DKK2: variants seen among roughly 807,000 people sequenced by gnomAD.
The protein encoded by DKK2 is dickkopf Wnt signaling pathway inhibitor 2, also known as dickkopf-related protein 2.
A neutral mutation model predicts 28.1 loss-of-function variants in DKK2; 11 were observed. The ratio of observed to expected loss-of-function variants is 0.39; its 90% confidence interval spans 0.25 to 0.65. The LOEUF (loss-of-function observed/expected upper bound fraction) is 0.65, where lower values mean the gene tolerates loss of function less well. Ranked by LOEUF, DKK2 falls within the 30% of genes least tolerant of loss-of-function variation. The pLI is 0.47. For missense variants in DKK2, 326 were observed against 335.5 expected (o/e 0.97, Z 0.22); for synonymous variants, 135 against 126.5 (o/e 1.07, Z -0.45).
At chr4:106,930,587 C>T (rs1265399064) in intron 1 of DKK2, among the ~76,000 whole-genome samples, 1 of 152,164 alleles carries the variant, frequency 6.6e-6, no homozygotes, top group Non-Finnish European at 1.5e-5. Context: ...AAGAGAGAAA[C>T]ATCACAGTGT....
chr4:107,002,625 A>G (rs1046195986), intron 1 of DKK2, among the ~76,000 whole-genome samples: 1 of 152,250 alleles, frequency 6.6e-6, no homozygotes, highest in Non-Finnish European at 1.5e-5. Context: ...TAGTCACTGA[A>G]CAAATGTTGA....
chr4:106,928,789 A>G (rs1724459308), intron 1 of DKK2, among the ~76,000 whole-genome samples: 1 of 152,184 alleles, frequency 6.6e-6, no homozygotes, highest in South Asian at 2.1e-4. Flanking sequence ...AATGCATTTT[A>G]TTTTAGTAAA....
intron 1 of DKK2, among the ~76,000 whole-genome samples, chr4:106,927,016 T>C (rs1724434176): frequency 6.6e-6 from 1 of 152,188 alleles, no homozygotes. Context: ...TTTTTCTTTT[T>C]TGAAGTTGAT....
At chr4:107,013,391 A>G (rs1042246322) in intron 1 of DKK2, among the ~76,000 whole-genome samples, 1 of 151,638 alleles carries the variant, frequency 6.6e-6, no homozygotes, top group Non-Finnish European at 1.5e-5. Flanking sequence ...AAATCTACAC[A>G]TTTACAACCA....
At chr4:106,959,821 T>C (rs937043163) in intron 1 of DKK2, among the ~76,000 whole-genome samples, 2 of 152,084 alleles carry the variant, frequency 1.3e-5, no homozygotes. Flanking sequence ...GTATAAATAC[T>C]CAATTAAGCT....
intron 1 of DKK2, among the ~76,000 whole-genome samples, chr4:106,979,017 TC>T (rs1224136259): frequency 6.6e-6 from 1 of 151,906 alleles, no homozygotes; most frequent in Non-Finnish European, 1.5e-5. Context: ...GGGAAGGAGT[TC>T]CCCGACCTGT....
At chr4:106,984,547 T>C (rs1000893826) in intron 1 of DKK2, among the ~76,000 whole-genome samples, 1 of 152,208 alleles carries the variant, frequency 6.6e-6, no homozygotes, top group East Asian at 1.9e-4. Context: ...TAATCTTATA[T>C]TGTATGTATA....
intron 1 of DKK2, among the ~76,000 whole-genome samples, chr4:106,990,066 G>C (rs1723181857): frequency 6.6e-6 from 1 of 151,864 alleles, no homozygotes; most frequent in African/African-American, 2.4e-5. Context: ...GCCCATTCCT[G>C]TTCAAATAAT....
At chr4:106,924,776 G>A in intron 2 of DKK2, 76 bp from the exon 3 acceptor site, 3 of 1,410,578 alleles carry the variant, frequency 2.1e-6, no homozygotes, top group Non-Finnish European at 2.9e-6. Context: ...CTCTCTTGAT[G>A]TGAAATATGA....
At chr4:107,024,594 A>T (rs1271171828) in intron 1 of DKK2, among the ~76,000 whole-genome samples, 2 of 152,196 alleles carry the variant, frequency 1.3e-5, no homozygotes, top group African/African-American at 4.8e-5. Context: ...TGCTTAATTC[A>T]GATTTGCACT....
At chr4:106,950,127 A>G (rs1400376612) in intron 1 of DKK2, among the ~76,000 whole-genome samples, 1 of 152,182 alleles carries the variant, frequency 6.6e-6, no homozygotes, top group African/African-American at 2.4e-5. Context: ...AAAATGTTTT[A>G]GGTAAGGAAG....
intron 1 of DKK2, among the ~76,000 whole-genome samples, chr4:106,974,227 C>CT (rs543523099): frequency 2.2e-4 from 33 of 152,114 alleles, no homozygotes; most frequent in Admixed American, 3.9e-4. Flanking sequence ...TATATGGGCT[C>CT]TTTTTTGGGT....
intron 1 of DKK2, among the ~76,000 whole-genome samples, chr4:106,975,227 G>A (rs1692099618): frequency 6.6e-6 from 1 of 152,114 alleles, no homozygotes; most frequent in South Asian, 2.1e-4. Context: ...TCTCTGCCAG[G>A]TTTTGGTATC....
chr4:106,977,312 T>C (rs1339786993), intron 1 of DKK2, among the ~76,000 whole-genome samples: 1 of 152,234 alleles, frequency 6.6e-6, no homozygotes, highest in Non-Finnish European at 1.5e-5. Context: ...ATAGTTCTCC[T>C]GGATAACAAC....
At chr4:107,033,437 G>A (rs564483968) in intron 1 of DKK2, among the ~76,000 whole-genome samples, 17 of 152,172 alleles carry the variant, frequency 1.1e-4, no homozygotes, top group Admixed American at 9.8e-4. Flanking sequence ...ATTTTATACC[G>A]ATTTATATAC....
Position 106,948,718 on chromosome 4 carries a change from C to G in DKK2, c.223-22769G>C, listed in dbSNP as rs1252626550. Among the ~76,000 whole-genome samples the G allele has an allele frequency of 2.0e-5, 3 of 152,152 alleles. 1 individual carries two copies. The South Asian group carries it at 6.2e-4, about 32-fold the overall frequency. ...ACCAGAAGTATCTCCTATCGTGGGT[C>G]TGGCACAGTGCCTGGCATATAGTAG... On this transcript the variant is annotated intron_variant, in intron 1 of 3. Transcript: ENST00000285311.
At chr4:106,939,822 G>C (rs1415933186) in intron 1 of DKK2, among the ~76,000 whole-genome samples, 3 of 152,120 alleles carry the variant, frequency 2.0e-5, no homozygotes, top group Non-Finnish European at 4.4e-5. Flanking sequence ...ACAACTATCT[G>C]ATCTTTGACA....
chr4:106,947,439 ATTGT>A (rs1010685957), intron 1 of DKK2, among the ~76,000 whole-genome samples: 3 of 152,108 alleles, frequency 2.0e-5, no homozygotes, highest in African/African-American at 4.8e-5. Flanking sequence ...AAAATGTCAC[ATTGT>A]TTGGCAACAC....
intron 1 of DKK2, among the ~76,000 whole-genome samples, chr4:107,007,255 T>C (rs945089154): frequency 6.6e-5 from 10 of 152,136 alleles, no homozygotes; most frequent in African/African-American, 1.4e-4. Flanking sequence ...CCTGAGTCAA[T>C]AGACCCAGGA....
Sources: gnomAD v4.1 joint callset for allele counts (sites outside exome capture counted in the v4.1 genomes callset) on GRCh38, gnomAD v4.1.1 for gene constraint, MANE v1.5 for transcripts, NCBI Gene and HGNC (gene_info 2026-07-23, HGNC 2026-07-21) for gene names.